RIT2: variants seen among roughly 807,000 people sequenced by gnomAD.
RIT2 encodes the protein GTP-binding protein Rit2.
In RIT2, 24 loss-of-function variants were observed where a neutral mutation model predicts 23.7. The observed-to-expected ratio is 1.01, with a 90% CI of 0.73 to 1.43. RIT2 has a LOEUF of 1.43. Ranked by LOEUF, RIT2 falls within the 40% of genes most tolerant of loss-of-function variation. RIT2 has a pLI of 0.00. For synonymous variants in RIT2, 107 were observed against 91.1 expected (o/e 1.17, Z -0.99); for missense variants, 236 against 266.9 (o/e 0.88, Z 0.81).
At chr18:42,888,197 G>T (rs114028477) in intron 4 of RIT2, among the ~76,000 whole-genome samples, 16 of 151,802 alleles carry the variant, frequency 1.1e-4, no homozygotes, top group African/African-American at 3.6e-4. Flanking sequence ...AGTTTGTAAC[G>T]AATATACCAC....
At chr18:43,049,265 T>C (rs904849525) in intron 1 of RIT2, among the ~76,000 whole-genome samples, 4 of 152,194 alleles carry the variant, frequency 2.6e-5, no homozygotes, top group African/African-American at 9.6e-5. Context: ...CAGGGTTTGA[T>C]AGAAAGATCA....
intron 2 of RIT2, among the ~76,000 whole-genome samples, chr18:42,987,941 T>C (rs1407369339): frequency 6.6e-6 from 1 of 152,116 alleles, no homozygotes. Flanking sequence ...TACCAAGCCA[T>C]TTATAAGGGA....
At chr18:43,025,825 C>G (rs575625614) in intron 2 of RIT2, among the ~76,000 whole-genome samples, 2 of 151,874 alleles carry the variant, frequency 1.3e-5, no homozygotes, top group East Asian at 3.9e-4. Context: ...ATTGAAGACT[C>G]CAAAAGGTGG....
chr18:42,800,798 T>C (rs1236439632), intron 4 of RIT2, among the ~76,000 whole-genome samples: 2 of 152,170 alleles, frequency 1.3e-5, no homozygotes, highest in Non-Finnish European at 2.9e-5. Context: ...CCCAGAGTGC[T>C]GGGATTACAG....
chr18:42,997,242 G>GTT (rs1911005735), intron 2 of RIT2, among the ~76,000 whole-genome samples: 1 of 152,076 alleles, frequency 6.6e-6, no homozygotes, highest in Non-Finnish European at 1.5e-5. Flanking sequence ...TTTTTATGTG[G>GTT]TTAGGGGCTA....
intron 3 of RIT2, chr18:42,948,839 T>C (rs1389126206): frequency 2.6e-6 from 1 of 389,674 alleles, no homozygotes; most frequent in African/African-American, 2.1e-5. Flanking sequence ...AACCACCCAC[T>C]TTCCTCTCCA....
chr18:43,012,933 C>G lies in RIT2; in HGVS notation c.160+20878G>C, dbSNP rs187631427. Among the ~76,000 whole-genome samples, 348 of 151,860 alleles carry G rather than the reference C, an allele frequency of 2.3e-3. 6 individuals carry two copies. The South Asian group carries it at 0.038, about 17-fold the overall frequency. On this transcript the variant is annotated intron_variant, in intron 2 of 4. Transcript: ENST00000326695. ...ATTACAATATTATTGATTTTATAAT[C>G]ATTTGAGAAATTCTTCTGTCCAAAA...
At chr18:43,094,561 T>C (rs1913505855) in intron 1 of RIT2, among the ~76,000 whole-genome samples, 1 of 151,980 alleles carries the variant, frequency 6.6e-6, no homozygotes, top group South Asian at 2.1e-4. Flanking sequence ...TTCAGGGAAA[T>C]TGTATTGAGA....
In RIT2 at chr18:42,972,454, G is replaced by A. The variant is rs150192850; in HGVS notation, c.234+1620C>T. Among the ~76,000 whole-genome samples the A allele has an allele frequency of 4.1e-3, 624 of 151,750 alleles. 3 individuals are homozygous for A. The highest frequency in any genetic ancestry group is 0.017 in the Middle Eastern group (5 of 294). On this transcript the variant is annotated intron_variant, in intron 3 of 4. Coordinates refer to ENST00000326695, the MANE Select transcript of RIT2 (RefSeq NM_002930.4). ...GTTTTTTTAAAAACAGTAACATAGC[G>A]ATGAGAAAATACAATGTTTTAAAAT...
chr18:43,073,239 T>C (rs188070149), intron 1 of RIT2, among the ~76,000 whole-genome samples: 167 of 152,324 alleles, frequency 1.1e-3, no homozygotes, highest in Non-Finnish European at 1.5e-3. Context: ...CAGTCCTCAC[T>C]GACCCTCTGA....
chr18:42,748,406 C>T (rs530843285), intron 4 of RIT2, among the ~76,000 whole-genome samples: 21 of 151,500 alleles, frequency 1.4e-4, no homozygotes, highest in Non-Finnish European at 2.5e-4. Context: ...TACTCCTGCA[C>T]GAATGGTCAT....
intron 2 of RIT2, among the ~76,000 whole-genome samples, chr18:43,008,331 G>A (rs1488098872): frequency 6.6e-6 from 1 of 151,390 alleles, no homozygotes; most frequent in Non-Finnish European, 1.5e-5. Flanking sequence ...TATATTAAGA[G>A]AGTGGGGAAA....
chr18:42,893,610 A>C (rs1442063963), intron 4 of RIT2, among the ~76,000 whole-genome samples: 1 of 152,220 alleles, frequency 6.6e-6, no homozygotes, highest in Non-Finnish European at 1.5e-5. Context: ...AAACCATAGC[A>C]CTTTCTAATT....
chr18:43,070,533 A>G (rs1365279481), intron 1 of RIT2, among the ~76,000 whole-genome samples: 1 of 152,222 alleles, frequency 6.6e-6, no homozygotes, highest in Non-Finnish European at 1.5e-5. Context: ...AAAGAAAGAA[A>G]CATGATGAGC....
intron 2 of RIT2, among the ~76,000 whole-genome samples, chr18:43,001,474 C>T (rs1320355705): frequency 4.0e-5 from 6 of 151,834 alleles, no homozygotes; most frequent in Non-Finnish European, 5.9e-5. Context: ...AAGTGAGTGC[C>T]GACAAACACG....
At chr18:42,908,833 G>T (rs1231159496) in intron 4 of RIT2, among the ~76,000 whole-genome samples, 1 of 152,042 alleles carries the variant, frequency 6.6e-6, no homozygotes, top group Non-Finnish European at 1.5e-5. Context: ...TTGTGGTTTT[G>T]CCATTGTTTT....
At chr18:43,017,525 A>G (rs184177947) in intron 2 of RIT2, among the ~76,000 whole-genome samples, 2 of 152,168 alleles carry the variant, frequency 1.3e-5, no homozygotes, top group Admixed American at 1.3e-4. Context: ...AAAGATGGTT[A>G]ACTAAATATT....
chr18:42,801,765 T>C (rs761992273), intron 4 of RIT2, among the ~76,000 whole-genome samples: 2 of 152,288 alleles, frequency 1.3e-5, no homozygotes, highest in African/African-American at 4.8e-5. Flanking sequence ...TTCATACCCA[T>C]CTCCTGAGTT....
chr18:42,827,896 T>G (rs1259410211), intron 4 of RIT2, among the ~76,000 whole-genome samples: 1 of 149,738 alleles, frequency 6.7e-6, no homozygotes, highest in Non-Finnish European at 1.5e-5. Context: ...TCCCAGCTAC[T>G]CGGGAGGCTG....
Sources: gnomAD v4.1 joint callset for allele counts (sites outside exome capture counted in the v4.1 genomes callset) on GRCh38, gnomAD v4.1.1 for gene constraint, MANE v1.5 for transcripts, NCBI Gene and HGNC (gene_info 2026-07-23, HGNC 2026-07-21) for gene names.